Variants in SGCG observed in about 807,000 individuals in gnomAD.
The protein encoded by SGCG is sarcoglycan gamma.
A neutral mutation model predicts 29.3 loss-of-function variants in SGCG; 26 were observed. The observed-to-expected ratio is 0.89, with a 90% CI of 0.65 to 1.23. SGCG has a LOEUF of 1.23. Ranked by LOEUF, SGCG falls within the 50% of genes most tolerant of loss-of-function variation. The pLI is 0.00. For synonymous variants in SGCG, 145 were observed against 129.7 expected (o/e 1.12, Z -0.80); for missense variants, 353 against 356.0 (o/e 0.99, Z 0.07).
intron 6 of SGCG, among the ~76,000 whole-genome samples, chr13:23,308,597 C>T (rs948123098): frequency 2.6e-5 from 4 of 151,826 alleles, no homozygotes; most frequent in African/African-American, 9.7e-5. Context: ...CAGAGTCTCA[C>T]TCTGTCATCC....
intron 2 of SGCG, among the ~76,000 whole-genome samples, chr13:23,229,077 C>T (rs1440266170): frequency 1.3e-5 from 2 of 151,468 alleles, no homozygotes; most frequent in Non-Finnish European, 2.9e-5. Context: ...ACCATGTTGG[C>T]CAGGCTGGTC....
At chr13:23,306,425 C>T (rs1365970438) in intron 6 of SGCG, among the ~76,000 whole-genome samples, 1 of 152,142 alleles carries the variant, frequency 6.6e-6, no homozygotes, top group Non-Finnish European at 1.5e-5. Context: ...TTTTGGCCAA[C>T]TGTATTTCCC....
intron 6 of SGCG, among the ~76,000 whole-genome samples, chr13:23,310,864 C>A (rs1167650953): frequency 6.6e-6 from 1 of 152,156 alleles, no homozygotes. Flanking sequence ...TTTTTAAAAA[C>A]TTAGTCACTT....
At chr13:23,188,878 G>T (rs890128280) in intron 1 of SGCG, among the ~76,000 whole-genome samples, 1 of 152,176 alleles carries the variant, frequency 6.6e-6, no homozygotes, top group Non-Finnish European at 1.5e-5. Context: ...CCAATCTACA[G>T]GAGCAAGGAT....
upstream of SGCG, among the ~76,000 whole-genome samples, chr13:23,180,340 A>G (rs983821739): frequency 1.0e-5 from 1 of 95,824 alleles, no homozygotes; most frequent in Non-Finnish European, 2.1e-5. Context: ...TAATTTGTTA[A>G]ACACAATAGA....
At chr13:23,205,083 A>G (rs1877935973) in intron 2 of SGCG, among the ~76,000 whole-genome samples, 1 of 151,966 alleles carries the variant, frequency 6.6e-6, no homozygotes, top group Non-Finnish European at 1.5e-5. Flanking sequence ...GTTAAATTAC[A>G]TATATTATAA....
chr13:23,202,866 G>A (rs1290415381), intron 1 of SGCG, among the ~76,000 whole-genome samples: 5 of 152,126 alleles, frequency 3.3e-5, no homozygotes, highest in African/African-American at 9.7e-5. Context: ...TTACAATCAG[G>A]AAAGTCATAA....
intron 2 of SGCG, among the ~76,000 whole-genome samples, chr13:23,233,073 G>A (rs181020948): frequency 7.6e-4 from 115 of 152,180 alleles, no homozygotes; most frequent in Non-Finnish European, 1.1e-3. Flanking sequence ...GCTCTATACC[G>A]AAAGAATTGA....
chr13:23,290,721 A>G (rs184403678), intron 5 of SGCG, among the ~76,000 whole-genome samples: 120 of 152,316 alleles, frequency 7.9e-4, no homozygotes, highest in Admixed American at 1.6e-3. Flanking sequence ...ATGCTCAATG[A>G]AGGTGTAGAA....
intron 2 of SGCG, among the ~76,000 whole-genome samples, chr13:23,227,819 A>T (rs945296135): frequency 2.0e-5 from 3 of 152,104 alleles, no homozygotes; most frequent in African/African-American, 7.2e-5. Flanking sequence ...ATTGTTATTT[A>T]TTATTATTCG....
chr13:23,292,299 G>A (rs1881744759), intron 5 of SGCG, among the ~76,000 whole-genome samples: 3 of 152,220 alleles, frequency 2.0e-5, no homozygotes, highest in Non-Finnish European at 2.9e-5. Context: ...TAGTAGAGAC[G>A]GGATTTGATC....
At chr13:23,210,008 T>C (rs77138066) in intron 2 of SGCG, among the ~76,000 whole-genome samples, 2,638 of 152,288 alleles carry the variant, frequency 0.017, 68 homozygotes, top group African/African-American at 0.061. Flanking sequence ...TAAATAAACG[T>C]ACCTGATGAC....
chr13:23,295,333 T>G, intron 5 of SGCG, 82 bp from the exon 6 acceptor site: 1 of 1,133,592 alleles, frequency 8.8e-7, no homozygotes, highest in Non-Finnish European at 1.3e-6. Flanking sequence ...CATATGTTCT[T>G]TAATATCTAG....
chr13:23,286,508 C>G (rs979513134), intron 5 of SGCG, among the ~76,000 whole-genome samples: 39 of 152,296 alleles, frequency 2.6e-4, no homozygotes, highest in African/African-American at 8.4e-4. Flanking sequence ...TTAACTATTA[C>G]AGTTGTTCCT....
chr13:23,194,833 G>A lies in SGCG; in HGVS notation c.1-8862G>A, dbSNP rs115820464. Among the ~76,000 whole-genome samples the A allele has an allele frequency of 6.2e-3, 951 of 152,280 alleles. 10 individuals are homozygous for A. The highest frequency in any genetic ancestry group is 0.022 in the African/African-American group (907 of 41,538). ...TCTAGGGACAGACAAGAAAACAGTA[G>A]GTGCCCACTATAACAGTATACAGAA... On this transcript the variant is annotated intron_variant, in intron 1 of 7. Coordinates refer to ENST00000218867, the MANE Select transcript of SGCG (RefSeq NM_000231.3).
Position 23,290,867 on chromosome 13 carries a change from T to C in SGCG, c.506-4548T>C, listed in dbSNP as rs187444297. Among the ~76,000 whole-genome samples the C allele has an allele frequency of 3.5e-4, 54 of 152,352 alleles. No individual in the cohort carries two copies. In the Middle Eastern group the frequency reaches 0.014, roughly 38 times the overall value. Reference sequence around the variant, plus strand: ...TTGAAGGAACCTAGAAACAGCAGTATGTTGCAAAGAATGGAACAACTTAGA... The same window carrying C: ...TTGAAGGAACCTAGAAACAGCAGTACGTTGCAAAGAATGGAACAACTTAGA... On this transcript the variant is annotated intron_variant, in intron 5 of 7. Transcript: ENST00000218867.
intron 4 of SGCG, among the ~76,000 whole-genome samples, chr13:23,252,487 C>T (rs1880006854): frequency 6.6e-6 from 1 of 152,112 alleles, no homozygotes; most frequent in South Asian, 2.1e-4. Flanking sequence ...GTCAGGAGAT[C>T]AAGACCATCC....
At chr13:23,194,809 C>G (rs1483905914) in intron 1 of SGCG, among the ~76,000 whole-genome samples, 1 of 152,092 alleles carries the variant, frequency 6.6e-6, no homozygotes, top group Non-Finnish European at 1.5e-5. Context: ...GAGGAGTGTT[C>G]TAGGGACAGA....
At chr13:23,191,638 G>T (rs1225930794) in intron 1 of SGCG, among the ~76,000 whole-genome samples, 1 of 152,140 alleles carries the variant, frequency 6.6e-6, no homozygotes, top group Non-Finnish European at 1.5e-5. Context: ...GCTAAATAAG[G>T]TTTGTCTTTG....
Sources: allele counts gnomAD v4.1 joint callset (sites outside exome capture counted in the v4.1 genomes callset), GRCh38; gene constraint gnomAD v4.1.1; transcripts MANE v1.5; gene names NCBI Gene and HGNC (gene_info 2026-07-23, HGNC 2026-07-21).